ANK2: variants seen among roughly 807,000 people sequenced by gnomAD.
ANK2 encodes the protein ankyrin 2.
Under a neutral mutation model 360.5 loss-of-function variants are expected in ANK2, and 83 were observed. That is an observed-to-expected ratio of 0.23 (90% CI 0.19 to 0.28). The LOEUF (loss-of-function observed/expected upper bound fraction) is 0.28, where lower values mean the gene tolerates loss of function less well. Ranked by LOEUF, ANK2 falls within the 10% of genes least tolerant of loss-of-function variation. ANK2 has a pLI of 1.00. For synonymous variants in ANK2, 1,740 were observed against 1,759.5 expected (o/e 0.99, Z 0.28); for missense variants, 4,201 against 4,795.7 (o/e 0.88, Z 3.66).
chr4:112,916,152 T>C (rs900866508), intron 2 of ANK2, among the ~76,000 whole-genome samples: 1 of 152,242 alleles, frequency 6.6e-6, no homozygotes, highest in Non-Finnish European at 1.5e-5. Context: ...GAATTTTGAA[T>C]GTTACAATTT....
chr4:113,228,807 C>T (rs953242926), intron 4 of ANK2, among the ~76,000 whole-genome samples: 50 of 152,134 alleles, frequency 3.3e-4, no homozygotes, highest in Admixed American at 2.8e-3. Flanking sequence ...AAAAGAGGCC[C>T]GCTTGCAATA....
intron 2 of ANK2, among the ~76,000 whole-genome samples, chr4:112,981,497 A>C (rs2043105795): frequency 6.6e-6 from 1 of 152,228 alleles, no homozygotes; most frequent in Admixed American, 6.5e-5. Flanking sequence ...GCAGAGGTGG[A>C]ACCATGGGAT....
chr4:113,159,768 C>T (rs59100823), intron 1 of ANK2, among the ~76,000 whole-genome samples: 5,242 of 141,456 alleles, frequency 0.037, 117 homozygotes, highest in Non-Finnish European at 0.039. Context: ...CCACCACGCC[C>T]GGCTAATTTT....
chr4:113,172,278 G>A (rs902848471), intron 1 of ANK2, among the ~76,000 whole-genome samples: 1 of 152,116 alleles, frequency 6.6e-6, no homozygotes, highest in Admixed American at 6.6e-5. Context: ...TAGACCAAAG[G>A]CATAACTGGG....
At chr4:113,254,851 G>A (rs2048436072) in intron 10 of ANK2, among the ~76,000 whole-genome samples, 1 of 152,072 alleles carries the variant, frequency 6.6e-6, no homozygotes, top group African/African-American at 2.4e-5. Context: ...CCTTTTTCTA[G>A]TGGCCATATT....
At chr4:112,998,851 G>T (rs1340329175) in intron 2 of ANK2, among the ~76,000 whole-genome samples, 1 of 152,096 alleles carries the variant, frequency 6.6e-6, no homozygotes, top group Admixed American at 6.6e-5. Flanking sequence ...ATTGCATCTT[G>T]CAGAAAATGA....
chr4:112,739,504 C>T, the ANK2 span, among the ~76,000 whole-genome samples: 2 of 152,098 alleles, frequency 1.3e-5, no homozygotes, highest in African/African-American at 2.4e-5. Flanking sequence ...ATCCCAGCTA[C>T]TTGGGAGACT....
At chr4:113,260,960 G>T (rs3025732) in intron 13 of ANK2, among the ~76,000 whole-genome samples, 3,945 of 152,232 alleles carry the variant, frequency 0.026, 83 homozygotes, top group Non-Finnish European at 0.039. Context: ...TTGCATTTTT[G>T]AATGCAATGC....
At chr4:113,336,478 A>C (rs961927574) in intron 30 of ANK2, 99 bp from the exon 31 acceptor site, 2 of 1,195,264 alleles carry the variant, frequency 1.7e-6, no homozygotes, top group Non-Finnish European at 2.3e-6. Context: ...TAAGATAAAA[A>C]ATACTTTGGG....
At chr4:113,290,277 C>A (rs943809014) in intron 20 of ANK2, among the ~76,000 whole-genome samples, 3 of 150,786 alleles carry the variant, frequency 2.0e-5, no homozygotes, top group African/African-American at 7.3e-5. Context: ...TTAATAAACT[C>A]TTCAGATTTT....
At chr4:112,825,310 A>T (rs2058168339) in intron 1 of ANK2, among the ~76,000 whole-genome samples, 1 of 152,074 alleles carries the variant, frequency 6.6e-6, no homozygotes, top group Non-Finnish European at 1.5e-5. Context: ...CATGTTGTGC[A>T]CATGTACCCT....
rs2095108038 is a variant in ANK2 at position 113,348,319 on chromosome 4, GAC to G, written c.4404+13_4404+14del. On this transcript the variant is annotated intron_variant, in intron 36 of 45. Coordinates refer to ENST00000357077, the MANE Select transcript of ANK2 (RefSeq NM_001148.6). ...GAACAGGAGGAAGAGGTAATTTTAT[GAC>G]AGTGTCACTTGTTATCGGCTGTGTC... 6.2e-7 allele frequency: 1 copy of G among 1,612,778 alleles called. No individual in the cohort carries two copies.
chr4:113,138,910 A>G (rs76299786), intron 1 of ANK2, among the ~76,000 whole-genome samples: 5,645 of 152,316 alleles, frequency 0.037, 332 homozygotes, highest in African/African-American at 0.12. Context: ...TGCTAATAGA[A>G]ATAAGTAGTA....
chr4:112,958,129 G>A (rs1488673054), intron 2 of ANK2, among the ~76,000 whole-genome samples: 2 of 150,518 alleles, frequency 1.3e-5, no homozygotes, highest in African/African-American at 4.9e-5. Flanking sequence ...CCAGGCAGAG[G>A]GGCTCCTCAC....
At chr4:113,091,645 T>C (rs1489196354) in intron 1 of ANK2, among the ~76,000 whole-genome samples, 1 of 152,244 alleles carries the variant, frequency 6.6e-6, no homozygotes, top group African/African-American at 2.4e-5. Flanking sequence ...GTGCTTATTA[T>C]GTGCCATCCC....
In ANK2 at chr4:113,356,940, C is replaced by A. The variant is rs757490110; in HGVS notation, c.8322C>A (p.Gly2774=). 1.2e-6 allele frequency: 2 copies of A among 1,613,922 alleles called. No homozygotes were observed. Among genetic ancestry groups the A allele is most frequent in the South Asian group, 1.1e-5 (1 of 91,080 alleles). The change falls in exon 38 of 46, where the codon GGC becomes GGA. Residue 2774 remains glycine, a synonymous_variant. Transcript: ENST00000357077. ...RDTDQPKICD[G]HGCEAMSPSS... ...CTGATCAGCCAAAAATCTGTGATGG[C>A]CATGGATGTGAGGCCATGAGTCCTA...
In ANK2 at chr4:113,219,427, G is replaced by A. The variant is rs1209630148; in HGVS notation, c.385-12734G>A. 9.2e-5 allele frequency among the ~76,000 whole-genome samples: 14 copies of A among 151,754 alleles called. No homozygotes were observed. The East Asian group carries it at 2.5e-3, about 27-fold the overall frequency. On this transcript the variant is annotated intron_variant, in intron 4 of 45. Coordinates refer to ENST00000357077, the MANE Select transcript of ANK2 (RefSeq NM_001148.6). ...TTTATATATTATTATAAAATTTTAT[G>A]TGATATGGTGAGCAGCACTTAATCT...
chr4:113,145,483 G>A, intron 1 of ANK2: 1 of 507,922 alleles, frequency 2.0e-6, no homozygotes, highest in Non-Finnish European at 2.6e-6. Flanking sequence ...TTACCCAGCA[G>A]GAACTTAAGT....
intron 15 of ANK2, among the ~76,000 whole-genome samples, chr4:113,275,787 G>A (rs2060005844): frequency 6.6e-6 from 1 of 151,570 alleles, no homozygotes; most frequent in Admixed American, 6.6e-5. Context: ...TATCAGAGGA[G>A]GGTGTAAATC....
Sources: allele counts gnomAD v4.1 joint callset (sites outside exome capture counted in the v4.1 genomes callset), GRCh38; gene constraint gnomAD v4.1.1; transcripts MANE v1.5; gene names NCBI Gene and HGNC (gene_info 2026-07-23, HGNC 2026-07-21).